LDHAL6A: variants seen among roughly 807,000 people sequenced by gnomAD.
LDHAL6A encodes lactate dehydrogenase A like 6A, also known as L-lactate dehydrogenase A-like 6A.
In LDHAL6A, 19 loss-of-function variants were observed where a neutral mutation model predicts 28.2. The ratio of observed to expected loss-of-function variants is 0.67; its 90% CI spans 0.47 to 0.99. LDHAL6A has a LOEUF of 0.99. Ranked by LOEUF, LDHAL6A falls within the 50% of genes least tolerant of loss-of-function variation. The pLI, the probability that LDHAL6A is intolerant of heterozygous loss-of-function variation, is 0.00. For synonymous variants in LDHAL6A, 144 were observed against 134.4 expected (o/e 1.07, Z -0.49); for missense variants, 372 against 398.6 (o/e 0.93, Z 0.57).
rs561796839 is a variant in LDHAL6A at position 18,469,528 on chromosome 11, C to T, written c.418+3718C>T. On this transcript the variant is annotated intron_variant, in intron 3 of 6. Coordinates refer to ENST00000280706, the MANE Select transcript of LDHAL6A (RefSeq NM_144972.5). ...GCACATTCAGAGGATACTCTTTCTA[C>T]ATTTTATATACTGGCTGTCTGCCAT... Among the ~76,000 whole-genome samples the T allele has an allele frequency of 2.7e-3, 404 of 152,214 alleles. 2 individuals are homozygous for T. Among genetic ancestry groups the T allele is most frequent in the African/African-American group, 9.5e-3 (393 of 41,528 alleles).
intron 2 of LDHAL6A, among the ~76,000 whole-genome samples, 194 bp from the exon 3 acceptor site, chr11:18,465,443 T>TTA (rs1472220254): frequency 6.4e-4 from 90 of 139,946 alleles, no homozygotes; most frequent in African/African-American, 2.3e-3. Flanking sequence ...TTTTTTTTTT[T>TTA]ATTATTAAAA....
At chr11:18,465,138 G>A (rs1461067733) in intron 2 of LDHAL6A, among the ~76,000 whole-genome samples, 1 of 151,656 alleles carries the variant, frequency 6.6e-6, no homozygotes, top group Non-Finnish European at 1.5e-5. Context: ...AATTTAGGAG[G>A]TTTTTGTTTT....
chr11:18,469,220 T>C, intron 3 of LDHAL6A: 1 of 632,856 alleles, frequency 1.6e-6, no homozygotes. Flanking sequence ...CACTGAAGTC[T>C]GTGGGGACAG....
Position 18,456,660 on chromosome 11 carries a change from C to T in LDHAL6A, c.-21C>T. The T allele has an allele frequency of 6.2e-7, 1 of 1,612,298 alleles. No homozygotes were observed. ...TCTTGGAAATGGCTGTGCAATTTGT[C>T]TTCACTGTTAGGTTTCCAAGATGGC... On this transcript the variant is annotated 5_prime_UTR_variant, in exon 1 of 7. Coordinates refer to ENST00000280706, the MANE Select transcript of LDHAL6A (RefSeq NM_144972.5).
chr11:18,465,558 G>T, intron 2 of LDHAL6A, 79 bp from the exon 3 acceptor site: 1 of 1,175,252 alleles, frequency 8.5e-7, no homozygotes, highest in South Asian at 1.5e-5. Context: ...ATAGTGTGGT[G>T]ATTGAAGTGA....
chr11:18,474,973 G>A (rs1295184398), intron 3 of LDHAL6A, among the ~76,000 whole-genome samples: 2 of 152,124 alleles, frequency 1.3e-5, no homozygotes. Context: ...AGGCACGGTG[G>A]CTCACGCCTG....
intron 3 of LDHAL6A, among the ~76,000 whole-genome samples, chr11:18,474,730 G>T (rs1382599569): frequency 6.6e-6 from 1 of 152,070 alleles, no homozygotes; most frequent in Non-Finnish European, 1.5e-5. Flanking sequence ...GCTGGGCATG[G>T]TCACTCATCT....
chr11:18,469,300 C>T, intron 3 of LDHAL6A: 1 of 498,652 alleles, frequency 2.0e-6, no homozygotes, highest in Non-Finnish European at 3.5e-6. Flanking sequence ...AACGCCTCTA[C>T]CCTCAAAGTA....
At position 18,464,090 on chromosome 11, in the gene LDHAL6A, A is replaced by T. The variant is rs750787311; in HGVS notation, c.244+12A>T. 22 of 1,456,994 alleles carry T rather than the reference A, an allele frequency of 1.5e-5. No individual in the cohort carries two copies. Among genetic ancestry groups the T allele is most frequent in the Non-Finnish European group, 2.0e-5 (21 of 1,036,854 alleles). 90.3% of individuals were successfully genotyped at this position (1,456,994 alleles called of 1,614,324 possible). A position where few individuals can be genotyped will look rare whatever the true frequency, so the allele number is the denominator to read the frequency against. Reference sequence around the variant, plus strand: ...TGTCTCCAGCAAAGGTTAATGTCATAGTTAAATACTATAAATATTCTAATA... The same window carrying T: ...TGTCTCCAGCAAAGGTTAATGTCATTGTTAAATACTATAAATATTCTAATA... On this transcript the variant is annotated intron_variant, in intron 2 of 6. Coordinates refer to ENST00000280706, the MANE Select transcript of LDHAL6A (RefSeq NM_144972.5).
At position 18,479,488 on chromosome 11, in the gene LDHAL6A, C is replaced by T. The variant is rs1849485029; in HGVS notation, c.*618C>T. ...AGTAATTCTTCTCTATGGCTTAATA[C>T]CTATGTTCATTTACATGCTATCTCT... On this transcript the variant is annotated 3_prime_UTR_variant, in exon 7 of 7. Transcript: ENST00000280706. The T allele has an allele frequency of 6.6e-6, 1 of 151,850 alleles. No individual in the cohort carries two copies. The highest frequency in any genetic ancestry group is 2.4e-5 in the African/African-American group (1 of 41,330). The allele number at this position is 151,850 out of a possible 1,614,324, so 9.4% of individuals were successfully genotyped here.
At chr11:18,467,237 A>G (rs928258364) in intron 3 of LDHAL6A, among the ~76,000 whole-genome samples, 1 of 152,182 alleles carries the variant, frequency 6.6e-6, no homozygotes, top group Non-Finnish European at 1.5e-5. Context: ...TTCGATGCTG[A>G]AGAACTATTT....
chr11:18,476,587 ATGT>A, intron 5 of LDHAL6A, 86 bp downstream of exon 5: 4 of 1,505,220 alleles, frequency 2.7e-6, no homozygotes, highest in Admixed American at 4.5e-5. Context: ...CCTTAAATAT[ATGT>A]TGTTGTATTT....
At chr11:18,462,838 A>C (rs901948340) in intron 1 of LDHAL6A, among the ~76,000 whole-genome samples, 4 of 151,570 alleles carry the variant, frequency 2.6e-5, no homozygotes, top group Non-Finnish European at 4.4e-5. Flanking sequence ...CCATCTCAAA[A>C]AAAAACAAAA....
chr11:18,465,801 A>G lies in LDHAL6A; in HGVS notation c.409A>G (p.Thr137Ala), dbSNP rs1297039625. 1 of 1,611,188 alleles carries G rather than the reference A, an allele frequency of 6.2e-7. No homozygotes were observed. The highest frequency in any genetic ancestry group is 8.5e-7 in the Non-Finnish European group (1 of 1,178,622). Residue 137 changes from threonine (T) to alanine (A), a missense_variant, in exon 3 of 7, where the codon ACT becomes GCT. By Grantham distance (58) the Thr-to-Ala change is moderately conservative. Coordinates refer to ENST00000280706, the MANE Select transcript of LDHAL6A (RefSeq NM_144972.5). ...TCCTCACTGCAAACTGCTTATTGTT[A>G]CTAATCCAGGTCAGCTTTGTTGTTT... ...YSPHCKLLIVTNPVDILTYVA... is the reference protein window; with the variant it reads ...YSPHCKLLIVANPVDILTYVA...
intron 1 of LDHAL6A, among the ~76,000 whole-genome samples, chr11:18,463,601 A>G (rs1057225275): frequency 6.6e-6 from 1 of 152,198 alleles, no homozygotes; most frequent in Non-Finnish European, 1.5e-5. Context: ...ATGACTTCCT[A>G]GTCTCAAGAA....
In LDHAL6A at chr11:18,478,964, T is replaced by A. The variant is rs1170782536; in HGVS notation, c.*94T>A. ...TTGAATAAATTTGAATTTCTAAAAG[T>A]TGGAAAAATAGAGGAAAGAGTGACC... On this transcript the variant is annotated 3_prime_UTR_variant, in exon 7 of 7. Transcript: ENST00000280706. The A allele has an allele frequency of 8.6e-7, 1 of 1,165,256 alleles. No individual in the cohort carries two copies. Among genetic ancestry groups the A allele is most frequent in the Non-Finnish European group, 1.2e-6 (1 of 827,238 alleles). 72.2% of individuals were successfully genotyped at this position (1,165,256 alleles called of 1,614,324 possible). A position where few individuals can be genotyped will look rare whatever the true frequency, so the allele number is the denominator to read the frequency against.
intron 3 of LDHAL6A, chr11:18,469,130 T>G: frequency 1.8e-6 from 1 of 556,008 alleles, no homozygotes; most frequent in Non-Finnish European, 3.1e-6. Context: ...AAAGGAGAGC[T>G]GTGGAGAGAT....
At chr11:18,462,404 G>A (rs1350524420) in intron 1 of LDHAL6A, among the ~76,000 whole-genome samples, 3 of 151,898 alleles carry the variant, frequency 2.0e-5, no homozygotes, top group South Asian at 2.1e-4. Context: ...TTGGGAGGCA[G>A]AGGCGGGCGG....
intron 3 of LDHAL6A, 145 bp from the exon 4 acceptor site, chr11:18,475,321 T>C (rs373534364): frequency 6.4e-6 from 4 of 627,222 alleles, no homozygotes; most frequent in African/African-American, 5.5e-5. Flanking sequence ...TTCTTAAGAG[T>C]TGGCGTATAG....
Sources: gnomAD v4.1 joint callset for allele counts (sites outside exome capture counted in the v4.1 genomes callset) on GRCh38, gnomAD v4.1.1 for gene constraint, MANE v1.5 for transcripts, NCBI Gene and HGNC (gene_info 2026-07-23, HGNC 2026-07-21) for gene names.